The following KCNIP4 variants were observed in gnomAD, a reference collection of about 807,000 sequenced individuals.
The protein encoded by KCNIP4 is Kv channel-interacting protein 4.
A neutral mutation model predicts 34.0 loss-of-function variants in KCNIP4; 12 were observed. The ratio of observed to expected loss-of-function variants is 0.35; its 90% confidence interval spans 0.23 to 0.57. The LOEUF is 0.57. Among genes scored for constraint, KCNIP4 ranks in the 20% least tolerant of loss-of-function variants. KCNIP4 has a pLI of 0.83. For missense variants in KCNIP4, 238 were observed against 311.7 expected, an observed-to-expected ratio of 0.76 and a Z score of 1.78; for synonymous variants, 124 against 102.2, an observed-to-expected ratio of 1.21 and a Z score of -1.29.
At position 20,901,516 on chromosome 4, in the gene KCNIP4, C is replaced by T. The variant is rs181457132; in HGVS notation, c.62-18807G>A. On this transcript the variant is annotated intron_variant, in intron 1 of 8. Transcript: ENST00000382152. ...GGTGTCATATTAGTCATCTGGAATG[C>T]CTGCTTTTGGAATCTTAATTCATTA... Among the ~76,000 whole-genome samples the T allele has an allele frequency of 3.6e-3, 544 of 152,164 alleles. 2 individuals are homozygous for T. The highest frequency in any genetic ancestry group is 6.4e-3 in the Non-Finnish European group (438 of 68,002).
At chr4:21,257,699 G>A (rs533616906) in intron 1 of KCNIP4, among the ~76,000 whole-genome samples, 46 of 151,142 alleles carry the variant, frequency 3.0e-4, no homozygotes, top group Middle Eastern at 3.4e-3. Context: ...GCAGTGAGCC[G>A]AGATCATGCC....
chr4:21,783,773 G>A (rs1236253541), intron 1 of KCNIP4, among the ~76,000 whole-genome samples: 7 of 152,074 alleles, frequency 4.6e-5, no homozygotes, highest in Admixed American at 6.5e-5. Flanking sequence ...GGAGGAGTGG[G>A]TAAACAGAGC....
chr4:20,979,539 C>T (rs904573166), intron 1 of KCNIP4, among the ~76,000 whole-genome samples: 1 of 151,942 alleles, frequency 6.6e-6, no homozygotes, highest in African/African-American at 2.4e-5. Context: ...GCTGGGACTA[C>T]CGGCGCCCGC....
intron 1 of KCNIP4, among the ~76,000 whole-genome samples, chr4:21,932,077 C>T (rs11724928): frequency 0.3 from 46,006 of 151,990 alleles, 8,043 homozygotes; most frequent in Non-Finnish European, 0.4. Context: ...CAGAAAAAAA[C>T]ACAGACAAGC....
intron 1 of KCNIP4, among the ~76,000 whole-genome samples, chr4:20,905,371 G>A (rs1727623141): frequency 6.6e-6 from 1 of 152,098 alleles, no homozygotes; most frequent in Non-Finnish European, 1.5e-5. Context: ...TAACTTTAAT[G>A]AGTAAAATCA....
At chr4:21,713,555 T>C (rs1713910858) in intron 1 of KCNIP4, among the ~76,000 whole-genome samples, 1 of 152,244 alleles carries the variant, frequency 6.6e-6, no homozygotes, top group Admixed American at 6.5e-5. Flanking sequence ...CAAGTCAGAA[T>C]GTTAAGGTTG....
intron 1 of KCNIP4, among the ~76,000 whole-genome samples, chr4:21,103,345 T>C (rs995827106): frequency 5.5e-5 from 8 of 146,646 alleles, no homozygotes; most frequent in Non-Finnish European, 1.2e-4. Flanking sequence ...ATATATAATA[T>C]ACATATAATA....
chr4:21,504,651 T>C (rs145443085), intron 1 of KCNIP4, among the ~76,000 whole-genome samples: 2 of 152,180 alleles, frequency 1.3e-5, no homozygotes, highest in East Asian at 3.9e-4. Context: ...GTTATCCAGT[T>C]TGAGGAAACA....
chr4:21,359,496 A>G (rs1005406876), intron 1 of KCNIP4, among the ~76,000 whole-genome samples: 4 of 152,142 alleles, frequency 2.6e-5, no homozygotes, highest in Non-Finnish European at 2.9e-5. Flanking sequence ...CATAAACCGA[A>G]TGAGAGTAAG....
chr4:20,944,303 A>G (rs1577408062), intron 1 of KCNIP4, among the ~76,000 whole-genome samples: 1 of 152,274 alleles, frequency 6.6e-6, no homozygotes, highest in East Asian at 1.9e-4. Context: ...CATCCATGAC[A>G]TGGTCATGAG....
At chr4:20,900,429 G>A (rs1316009282) in intron 1 of KCNIP4, among the ~76,000 whole-genome samples, 1 of 152,112 alleles carries the variant, frequency 6.6e-6, no homozygotes, top group Non-Finnish European at 1.5e-5. Flanking sequence ...CCAGCATCAC[G>A]CACAAGGCCT....
chr4:21,389,459 C>G (rs1054071449), intron 1 of KCNIP4, among the ~76,000 whole-genome samples: 3 of 107,262 alleles, frequency 2.8e-5, no homozygotes, highest in Non-Finnish European at 5.3e-5. Flanking sequence ...CCCCTCCCCC[C>G]ACCCCACAAC....
chr4:21,382,170 C>T (rs1330861349), intron 1 of KCNIP4, among the ~76,000 whole-genome samples: 1 of 152,126 alleles, frequency 6.6e-6, no homozygotes, highest in Admixed American at 6.6e-5. Flanking sequence ...GGAATAAGAA[C>T]AGGACAGAGA....
intron 1 of KCNIP4, among the ~76,000 whole-genome samples, chr4:21,553,761 T>C (rs1401769313): frequency 6.6e-6 from 1 of 152,132 alleles, no homozygotes; most frequent in African/African-American, 2.4e-5. Flanking sequence ...CTATTGTTAT[T>C]ATTACCCCCA....
intron 1 of KCNIP4, among the ~76,000 whole-genome samples, chr4:21,756,971 C>T (rs983529424): frequency 1.3e-5 from 2 of 151,448 alleles, no homozygotes; most frequent in Non-Finnish European, 2.9e-5. Flanking sequence ...GTAGCAGGCA[C>T]CTGTAATCAC....
rs763870429 is a variant in KCNIP4, at chr4:20,730,175, G to A, written c.706-46C>T. 8 of 1,568,676 alleles carry A rather than the reference G, an allele frequency of 5.1e-6. No individual in the cohort carries two copies. The South Asian group carries it at 6.0e-5, about 12-fold the overall frequency. ...GCGATTAAATTCAGCATATCTGCAA[G>A]GAAAAGTACACTATTTTGCCCCTGA... On this transcript the variant is annotated intron_variant, in intron 8 of 8. Coordinates refer to ENST00000382152, the MANE Select transcript of KCNIP4 (RefSeq NM_025221.6).
At chr4:21,940,209 C>T (rs1730124819) in intron 1 of KCNIP4, among the ~76,000 whole-genome samples, 1 of 152,014 alleles carries the variant, frequency 6.6e-6, no homozygotes, top group Non-Finnish European at 1.5e-5. Context: ...ACCCATATTA[C>T]AATTAGAAAA....
At chr4:21,085,994 T>C (rs1383424783) in intron 1 of KCNIP4, among the ~76,000 whole-genome samples, 1 of 152,144 alleles carries the variant, frequency 6.6e-6, no homozygotes, top group East Asian at 1.9e-4. Context: ...ATCAGAAAGA[T>C]AAGTAATCGT....
intron 1 of KCNIP4, among the ~76,000 whole-genome samples, chr4:21,444,506 C>A (rs1727791721): frequency 1.3e-5 from 2 of 152,136 alleles, no homozygotes; most frequent in Non-Finnish European, 2.9e-5. Context: ...AGCATATAAA[C>A]AGAACCAATG....
Sources: allele counts gnomAD v4.1 joint callset (sites outside exome capture counted in the v4.1 genomes callset), GRCh38; gene constraint gnomAD v4.1.1; transcripts MANE v1.5; gene names NCBI Gene and HGNC (gene_info 2026-07-23, HGNC 2026-07-21).